The following HK2 variants were observed in gnomAD, a reference collection of about 807,000 sequenced individuals.
HK2 encodes hexokinase 2.
HK2 carries 42 observed loss-of-function variants against 92.9 expected under a neutral mutation model. That is an observed-to-expected ratio of 0.45 (90% confidence interval 0.35 to 0.58). The LOEUF is 0.58. Ranked by LOEUF, HK2 falls within the 20% of genes least tolerant of loss-of-function variation. The pLI is 0.00. For missense variants in HK2, 978 were observed against 1,245.1 expected, an observed-to-expected ratio of 0.79 and a Z score of 3.23; for synonymous variants, 422 against 468.0, an observed-to-expected ratio of 0.90 and a Z score of 1.27.
In HK2 at chr2:74,834,700, A is replaced by G; in HGVS notation, c.63+57A>G. 5 of 1,568,478 alleles carry G rather than the reference A, an allele frequency of 3.2e-6. No homozygotes were observed. Among genetic ancestry groups the G allele is most frequent in the Non-Finnish European group, 4.4e-6 (5 of 1,138,576 alleles). The stretch of plus-strand genomic sequence containing the variant: ...GCTCTGGCAAAGTGGTCTGGCCTCC[A>G]TCAGTCTCTTCCTCGACCCTGCGGG... On this transcript the variant is annotated intron_variant, in intron 1 of 17. Transcript: ENST00000290573. The surrounding 1 kb of genome is among the most constrained non-coding windows in gnomAD (Gnocchi z 4.2).
At chr2:74,878,959 T>C (rs1689313505) in intron 9 of HK2, 38 bp downstream of exon 9, 2 of 1,497,264 alleles carry the variant, frequency 1.3e-6, no homozygotes, top group African/African-American at 1.4e-5. Context: ...GCGGAGTTCC[T>C]GGAGTACCTG....
Position 74,867,707 on chromosome 2 carries a change from A to G in HK2, c.298A>G (p.Asn100Asp), listed in dbSNP as rs1258626899. 1 of 1,614,180 alleles carries G rather than the reference A, an allele frequency of 6.2e-7. No homozygotes were observed. The highest frequency in any genetic ancestry group is 1.7e-5 in the Admixed American group (1 of 60,026). The stretch of plus-strand genomic sequence containing the variant: ...TGTGCTTTGGGTGAAAGTAACGGAC[A>G]ATGGGCTCCAGAAGGTGGAGATGGA... ...FRVLWVKVTDNGLQKVEMENQ... is the reference protein window; with the variant it reads ...FRVLWVKVTDDGLQKVEMENQ... Residue 100 changes from asparagine (N) to aspartate (D), a missense_variant, in exon 3 of 18, where the codon AAT (asparagine) becomes GAT (aspartate). By Grantham distance (23) the Asn-to-Asp change is conservative. Around this residue, in one of 3 missense-constraint regions of HK2, gnomAD observed 189 missense variants for 289.5 expected, o/e 0.65. Coordinates refer to ENST00000290573, the MANE Select transcript of HK2 (RefSeq NM_000189.5).
At position 74,881,809 on chromosome 2, in the gene HK2, A is replaced by C. The variant is rs1209370383; in HGVS notation, c.1669A>C (p.Asn557His). 2 of 1,614,180 alleles carry C rather than the reference A, an allele frequency of 1.2e-6. No homozygotes were observed. The highest frequency in any genetic ancestry group is 1.7e-5 in the Admixed American group (1 of 60,030). The change falls in exon 11 of 18, where the codon AAC (asparagine) becomes CAC (histidine). Residue 557 changes from asparagine to histidine, a missense_variant. Physicochemically the swap from Asn to His is moderately conservative, Grantham distance 68 (BLOSUM62 1). This residue lies in a region of HK2 where 742 missense variants were observed against 922.5 expected (regional missense o/e 0.80). Coordinates refer to ENST00000290573, the MANE Select transcript of HK2 (RefSeq NM_000189.5). ...NGKWGGVEMHNKIYAIPQEVM... is the reference protein window; with the variant it reads ...NGKWGGVEMHHKIYAIPQEVM... ...GAAGTGGGGTGGAGTGGAGATGCAC[A>C]ACAAGATCTACGCCATCCCGCAGGA...
At chr2:74,888,156 C>A in intron 16 of HK2, 98 bp downstream of exon 16, 1 of 1,337,536 alleles carries the variant, frequency 7.5e-7, no homozygotes, top group Non-Finnish European at 1.1e-6. Flanking sequence ...ATGACTCATA[C>A]AAAAGTCAGT....
At chr2:74,843,117 C>T (rs757489160) in intron 1 of HK2, among the ~76,000 whole-genome samples, 4 of 152,124 alleles carry the variant, frequency 2.6e-5, no homozygotes, top group Admixed American at 1.3e-4. Flanking sequence ...TCACAGGACC[C>T]GCCATGATAG....
chr2:74,872,206 A>G (rs1689113802), intron 3 of HK2, 94 bp from the exon 4 acceptor site: 3 of 1,318,958 alleles, frequency 2.3e-6, no homozygotes, highest in African/African-American at 1.5e-5. Flanking sequence ...TTTTGCACAC[A>G]TTCAGCTAGT....
At chr2:74,872,844 G>A (rs748019639) in intron 4 of HK2, among the ~76,000 whole-genome samples, 11 of 152,166 alleles carry the variant, frequency 7.2e-5, no homozygotes, top group Admixed American at 6.5e-4. Flanking sequence ...AAACATCATA[G>A]AGTGCACTTA....
intron 3 of HK2, 125 bp downstream of exon 3, chr2:74,867,909 G>T: frequency 9.0e-7 from 1 of 1,110,192 alleles, no homozygotes. Flanking sequence ...ATGGATGCCA[G>T]CACAGCTGTA....
intron 7 of HK2, among the ~76,000 whole-genome samples, chr2:74,875,422 G>T (rs907094731): frequency 7.1e-6 from 1 of 140,950 alleles, no homozygotes; most frequent in Non-Finnish European, 1.5e-5. Context: ...TCTGCCTCCC[G>T]GGTTCAAGCG....
chr2:74,884,447 T>C (rs1689473331), intron 12 of HK2, among the ~76,000 whole-genome samples: 1 of 152,252 alleles, frequency 6.6e-6, no homozygotes, highest in South Asian at 2.1e-4. Flanking sequence ...AATTATGTTA[T>C]TTGAACATCC....
At chr2:74,845,252 T>C (rs1379294794) in intron 1 of HK2, among the ~76,000 whole-genome samples, 2 of 152,230 alleles carry the variant, frequency 1.3e-5, no homozygotes, top group Non-Finnish European at 2.9e-5. Flanking sequence ...CTCAGCCCCT[T>C]CCTGGCAGAG....
chr2:74,884,889 C>T (rs1372472964), intron 12 of HK2, among the ~76,000 whole-genome samples: 1 of 152,208 alleles, frequency 6.6e-6, no homozygotes, highest in Non-Finnish European at 1.5e-5. Context: ...GAGGAGGAGC[C>T]TGGAGTTGTT....
chr2:74,859,692 A>G (rs909619733), intron 2 of HK2, among the ~76,000 whole-genome samples: 15 of 152,246 alleles, frequency 9.9e-5, no homozygotes, highest in Non-Finnish European at 2.9e-5. Flanking sequence ...TACAACCTCC[A>G]TCAGAAAAGG....
chr2:74,873,260 C>G lies in HK2; in HGVS notation c.496-16C>G. ...TTTAGTGGGAAATCAATATTCACTTCTTGGTCCCTTTCCAGAGTTTCCTGG... is the reference window on the plus strand; with the variant it reads ...TTTAGTGGGAAATCAATATTCACTTGTTGGTCCCTTTCCAGAGTTTCCTGG... On this transcript the variant is annotated splice_polypyrimidine_tract_variant and intron_variant, in intron 4 of 17. Coordinates refer to ENST00000290573, the MANE Select transcript of HK2 (RefSeq NM_000189.5). 6.3e-7 allele frequency: 1 copy of G among 1,588,680 alleles called. No homozygotes were observed. The highest frequency in any genetic ancestry group is 8.6e-7 in the Non-Finnish European group (1 of 1,156,848).
intron 11 of HK2, 34 bp from the exon 12 acceptor site, chr2:74,882,086 G>T: frequency 3.1e-6 from 5 of 1,610,036 alleles, no homozygotes; most frequent in Non-Finnish European, 4.2e-6. Flanking sequence ...CCTGCCCAGG[G>T]CCCCTCCCTC....
At chr2:74,869,966 G>A (rs1307961473) in intron 3 of HK2, among the ~76,000 whole-genome samples, 1 of 151,544 alleles carries the variant, frequency 6.6e-6, no homozygotes, top group Non-Finnish European at 1.5e-5. Flanking sequence ...TGTGACGGAG[G>A]AACTGAATTT....
rs908454925 is a variant in HK2, at chr2:74,853,933, G to C, written c.64-360G>C. Among the ~76,000 whole-genome samples, 6 of 152,054 alleles carry C rather than the reference G, an allele frequency of 3.9e-5. No homozygotes were observed. The South Asian group carries it at 1.2e-3, about 32-fold the overall frequency. On this transcript the variant is annotated intron_variant, in intron 1 of 17. Transcript: ENST00000290573. ...AGGGGCAATGGGATTGCTGTGACTG[G>C]CCATGTCAGGTGCTGGGGGAACAAG...
At chr2:74,852,452 C>T (rs995048911) in intron 1 of HK2, among the ~76,000 whole-genome samples, 1 of 152,170 alleles carries the variant, frequency 6.6e-6, no homozygotes, top group Non-Finnish European at 1.5e-5. Context: ...CAGGCTGAAG[C>T]TGCACCCTTT....
Position 74,872,293 on chromosome 2 carries a change from T to TC in HK2, c.376-5dup, listed in dbSNP as rs1689116245. 1 of 1,613,744 alleles carries TC rather than the reference T, an allele frequency of 6.2e-7. No homozygotes were observed. Among genetic ancestry groups the TC allele is most frequent in the African/African-American group, 1.3e-5 (1 of 74,896 alleles). On this transcript the variant is annotated splice_region_variant and splice_polypyrimidine_tract_variant and intron_variant, in intron 3 of 17. Transcript: ENST00000290573. ...TCTGCTCACCACCCTGTGTCATGTA[T>TC]CCTTAGCTGTTTGACCACATTGCCG...
Sources: allele counts gnomAD v4.1 joint callset (sites outside exome capture counted in the v4.1 genomes callset), GRCh38; gene constraint gnomAD v4.1.1; regional missense constraint gnomAD v4.1.1; non-coding constraint Gnocchi (gnomAD v3.1); transcripts MANE v1.5; gene names NCBI Gene and HGNC (gene_info 2026-07-23, HGNC 2026-07-21).